KCMF1: variants seen among roughly 807,000 people sequenced by gnomAD.
KCMF1 encodes potassium channel modulatory factor 1, also known as E3 ubiquitin-protein ligase KCMF1.
KCMF1 carries 3 observed loss-of-function variants against 41.1 expected under a neutral mutation model. The observed-to-expected ratio is 0.07, with a 90% confidence interval of 0.03 to 0.19. The LOEUF (loss-of-function observed/expected upper bound fraction) is 0.19. Ranked by LOEUF, KCMF1 falls within the 10% of genes least tolerant of loss-of-function variation. The pLI, the probability that KCMF1 is intolerant of heterozygous loss-of-function variation, is 1.00. For missense variants in KCMF1, 286 were observed against 488.9 expected (o/e 0.58, Z 3.91); for synonymous variants, 142 against 164.5 (o/e 0.86, Z 1.04).
intron 2 of KCMF1, among the ~76,000 whole-genome samples, chr2:85,032,424 T>C (rs1675299469): frequency 6.6e-6 from 1 of 152,118 alleles, no homozygotes; most frequent in Admixed American, 6.6e-5. Context: ...TCACCCAGGC[T>C]GGAGTGCAAT....
chr2:85,032,338 A>AT (rs1675297375), intron 2 of KCMF1, among the ~76,000 whole-genome samples: 1 of 151,124 alleles, frequency 6.6e-6, no homozygotes, highest in Admixed American at 6.6e-5. Flanking sequence ...TGTCTGGCTA[A>AT]TTTTTTTATT....
chr2:85,015,114 A>G (rs1051501144), intron 1 of KCMF1, among the ~76,000 whole-genome samples: 1 of 143,778 alleles, frequency 7.0e-6, no homozygotes, highest in African/African-American at 2.6e-5. Flanking sequence ...AGATCGCGCC[A>G]CTGCACTCCA....
chr2:85,019,790 G>A (rs115031954), intron 1 of KCMF1, among the ~76,000 whole-genome samples: 1,565 of 150,972 alleles, frequency 0.01, 20 homozygotes, highest in African/African-American at 0.036. Flanking sequence ...ATATATATAC[G>A]TATATATGTG....
Position 84,984,189 on chromosome 2 carries a change from A to C in KCMF1, c.16+12722A>C, listed in dbSNP as rs532060023. Among the ~76,000 whole-genome samples the C allele has an allele frequency of 2.3e-4, 35 of 151,782 alleles. 1 individual carries two copies. The highest frequency in any genetic ancestry group is 8.2e-4 in the African/African-American group (34 of 41,418). On this transcript the variant is annotated intron_variant, in intron 1 of 6. Transcript: ENST00000409785. ...TGAGACAAAGCTGGGCAACATGGTA[A>C]GACCCCATCTTCACAAAATAAGTAA...
intron 1 of KCMF1, among the ~76,000 whole-genome samples, chr2:85,021,751 A>T (rs1365196103): frequency 2.0e-5 from 3 of 152,178 alleles, no homozygotes; most frequent in Admixed American, 6.6e-5. Context: ...TGAGCAGAGA[A>T]CATTGATTTG....
intron 1 of KCMF1, among the ~76,000 whole-genome samples, chr2:85,026,060 G>A (rs577878987): frequency 6.6e-6 from 1 of 151,816 alleles, no homozygotes; most frequent in African/African-American, 2.4e-5. Context: ...GCATGATCTC[G>A]GCTCACTGCA....
At position 84,971,312 on chromosome 2, in the gene KCMF1, TC is replaced by T; in HGVS notation, c.-136del. The T allele has an allele frequency of 4.4e-6, 1 of 229,218 alleles. No individual in the cohort carries two copies. The highest frequency in any genetic ancestry group is 7.0e-6 in the Non-Finnish European group (1 of 142,108). 14.2% of individuals were successfully genotyped at this position (229,218 alleles called of 1,614,324 possible). On this transcript the variant is annotated 5_prime_UTR_variant, in exon 1 of 7. Transcript: ENST00000409785. Reference sequence around the variant, plus strand: ...GCCGCCGCCGCCGCCGCGGGAGCGCTCCCCTGCCCACCCCGCCCCCGCGGCC... The same window carrying T: ...GCCGCCGCCGCCGCCGCGGGAGCGCTCCCTGCCCACCCCGCCCCCGCGGCC...
chr2:85,032,950 C>T (rs1675311759), intron 2 of KCMF1, among the ~76,000 whole-genome samples: 1 of 152,140 alleles, frequency 6.6e-6, no homozygotes, highest in African/African-American at 2.4e-5. Context: ...CAGTAAAATA[C>T]TAAATAGGAG....
At chr2:85,030,413 CAA>C (rs1204897385) in intron 2 of KCMF1, among the ~76,000 whole-genome samples, 2 of 151,988 alleles carry the variant, frequency 1.3e-5, no homozygotes, top group African/African-American at 4.8e-5. Context: ...CTGCCTAATT[CAA>C]AGTCACGAAG....
intron 1 of KCMF1, among the ~76,000 whole-genome samples, chr2:85,004,004 A>G (rs867280598): frequency 2.6e-5 from 4 of 152,180 alleles, no homozygotes; most frequent in Non-Finnish European, 5.9e-5. Flanking sequence ...CCTGTTATTC[A>G]TCTGATAACC....
intron 3 of KCMF1, among the ~76,000 whole-genome samples, chr2:85,041,490 C>T (rs1478757716): frequency 6.6e-6 from 1 of 152,174 alleles, no homozygotes; most frequent in Non-Finnish European, 1.5e-5. Flanking sequence ...CCCTCAAGTA[C>T]TGAAGCCTTT....
In KCMF1 at chr2:84,974,921, G is replaced by T. The variant is rs536225706; in HGVS notation, c.16+3454G>T. ...ATGGGGTTTCACCATGTTGGCCAGG[G>T]TGGTCTCAAACTCCTGACCTCGTGA... On this transcript the variant is annotated intron_variant, in intron 1 of 6. Coordinates refer to ENST00000409785, the MANE Select transcript of KCMF1 (RefSeq NM_020122.5). 6.0e-5 allele frequency among the ~76,000 whole-genome samples: 9 copies of T among 151,216 alleles called. No individual in the cohort carries two copies. The East Asian group carries it at 1.2e-3, about 20-fold the overall frequency.
intron 1 of KCMF1, among the ~76,000 whole-genome samples, chr2:85,017,845 TA>T (rs1313835202): frequency 6.6e-6 from 1 of 152,222 alleles, no homozygotes; most frequent in Non-Finnish European, 1.5e-5. Context: ...AAACCTCTTT[TA>T]TTTTTATTTT....
chr2:85,050,038 T>C (rs954156347), intron 6 of KCMF1, among the ~76,000 whole-genome samples: 1 of 152,104 alleles, frequency 6.6e-6, no homozygotes, highest in African/African-American at 2.4e-5. Flanking sequence ...TAGTCCCCGC[T>C]ACTCAGGAGG....
At chr2:85,008,291 T>TATATAATATATATATATC (rs1486177880) in intron 1 of KCMF1, among the ~76,000 whole-genome samples, 2 of 14,624 alleles carry the variant, frequency 1.4e-4, no homozygotes, top group Non-Finnish European at 1.7e-4. Flanking sequence ...TGATATATAA[T>TATATAATATATATATATC]ATATATAATA....
chr2:85,008,630 A>C (rs542419923), intron 1 of KCMF1, among the ~76,000 whole-genome samples: 11 of 151,924 alleles, frequency 7.2e-5, no homozygotes, highest in African/African-American at 2.7e-4. Flanking sequence ...AGCTGAAAGA[A>C]GGAGGCAGAG....
intron 4 of KCMF1, among the ~76,000 whole-genome samples, chr2:85,045,890 C>T (rs997863703): frequency 3.4e-5 from 5 of 148,664 alleles, no homozygotes; most frequent in Non-Finnish European, 7.4e-5. Flanking sequence ...ACACCCAATA[C>T]ACACACACAC....
intron 1 of KCMF1, among the ~76,000 whole-genome samples, chr2:84,977,280 A>T (rs1574001425): frequency 6.6e-6 from 1 of 152,288 alleles, no homozygotes; most frequent in East Asian, 1.9e-4. Flanking sequence ...CAAGATTGGT[A>T]ATTAGCATGT....
intron 1 of KCMF1, among the ~76,000 whole-genome samples, chr2:85,010,284 C>A (rs953054156): frequency 3.9e-5 from 6 of 152,092 alleles, no homozygotes; most frequent in African/African-American, 7.2e-5. Context: ...GCCTGGGCAA[C>A]GTAGTGAAAC....
Sources: allele counts gnomAD v4.1 joint callset (sites outside exome capture counted in the v4.1 genomes callset), GRCh38; gene constraint gnomAD v4.1.1; transcripts MANE v1.5; gene names NCBI Gene and HGNC (gene_info 2026-07-23, HGNC 2026-07-21).